The following FAM81A variants were observed in gnomAD, a reference collection of about 807,000 sequenced individuals.
FAM81A encodes the protein family with sequence similarity 81 member A, also known as protein FAM81A.
In FAM81A, 19 loss-of-function variants were observed where a neutral mutation model predicts 46.7. That is an observed-to-expected ratio of 0.41 (90% CI 0.28 to 0.60). FAM81A has a LOEUF of 0.60. Among genes scored for constraint, FAM81A ranks in the 20% least tolerant of loss-of-function variants. The pLI, the probability that FAM81A is intolerant of heterozygous loss-of-function variation, is 0.34. For missense variants in FAM81A, 377 were observed against 453.5 expected (o/e 0.83, Z 1.53); for synonymous variants, 183 against 152.9 (o/e 1.20, Z -1.45).
chr15:59,492,204 A>T, intron 3 of FAM81A, 67 bp from the exon 4 acceptor site: 1 of 1,227,608 alleles, frequency 8.1e-7, no homozygotes, highest in Non-Finnish European at 1.2e-6. Flanking sequence ...TGCCAAAAGT[A>T]TAAAATGCTT....
At chr15:59,478,685 G>A (rs1356837086) in intron 3 of FAM81A, among the ~76,000 whole-genome samples, 1 of 152,264 alleles carries the variant, frequency 6.6e-6, no homozygotes, top group Non-Finnish European at 1.5e-5. Flanking sequence ...GATGTGGCGT[G>A]TTGTATGCCT....
chr15:59,436,425 G>A (rs567293301), upstream of FAM81A, among the ~76,000 whole-genome samples: 5 of 152,230 alleles, frequency 3.3e-5, no homozygotes, highest in South Asian at 2.1e-4. Flanking sequence ...TGGGGTGGGC[G>A]GGGAAAGGGT....
chr15:59,441,216 T>G (rs1439571216), intron 1 of FAM81A, among the ~76,000 whole-genome samples: 1 of 152,232 alleles, frequency 6.6e-6, no homozygotes, highest in Non-Finnish European at 1.5e-5. Flanking sequence ...CTCCAGTGTC[T>G]TTGGTCCTTC....
intron 3 of FAM81A, among the ~76,000 whole-genome samples, chr15:59,464,009 T>G (rs557311162): frequency 7.2e-5 from 11 of 152,192 alleles, no homozygotes; most frequent in Non-Finnish European, 1.3e-4. Context: ...TCTATTCTAA[T>G]TTTTACTTCT....
chr15:59,400,335 A>G (rs758820893), intron 1 of FAM81A, among the ~76,000 whole-genome samples: 34 of 151,934 alleles, frequency 2.2e-4, no homozygotes, highest in Non-Finnish European at 4.9e-4. Context: ...TACCTCCTCA[A>G]TAGCTTGCAC....
At chr15:59,476,486 A>G (rs2081769976) in intron 3 of FAM81A, among the ~76,000 whole-genome samples, 2 of 152,248 alleles carry the variant, frequency 1.3e-5, no homozygotes, top group Admixed American at 6.5e-5. Context: ...TATAAGTAAT[A>G]TAAAAATTGG....
rs774368247 is a variant in FAM81A at position 59,414,902 on chromosome 15, G to A, written c.-78+12544G>A. On this transcript the variant is annotated intron_variant, in intron 2 of 4. Transcript: ENST00000558348. ...GGGATCTCAGCTCACTGCAAGCTCC[G>A]CCTCCCAGGTTCACACCATTCTCCT... is the stretch of plus-strand genomic sequence containing the variant. Among the ~76,000 whole-genome samples, 54 of 151,674 alleles carry A rather than the reference G, an allele frequency of 3.6e-4. 1 individual carries two copies. Among genetic ancestry groups the A allele is most frequent in the African/African-American group, 1.9e-4 (8 of 41,340 alleles).
At chr15:59,499,824 C>G (rs1171355037) in intron 4 of FAM81A, among the ~76,000 whole-genome samples, 3 of 150,596 alleles carry the variant, frequency 2.0e-5, no homozygotes, top group Non-Finnish European at 4.4e-5. Flanking sequence ...TTTTTTCTTG[C>G]TGCTTTCAAA....
chr15:59,400,254 A>G (rs1291104997), intron 1 of FAM81A, among the ~76,000 whole-genome samples: 2 of 147,778 alleles, frequency 1.4e-5, no homozygotes, highest in African/African-American at 4.9e-5. Flanking sequence ...AGAGCGAGAA[A>G]GTCAGGAGTC....
intron 1 of FAM81A, among the ~76,000 whole-genome samples, chr15:59,457,148 G>C (rs1177098829): frequency 2.0e-5 from 3 of 152,036 alleles, no homozygotes; most frequent in African/African-American, 7.2e-5. Flanking sequence ...ATTATCCAAG[G>C]TCAACCATGG....
At chr15:59,520,477 C>T (rs2082315891) in intron 8 of FAM81A, among the ~76,000 whole-genome samples, 1 of 151,682 alleles carries the variant, frequency 6.6e-6, no homozygotes, top group Non-Finnish European at 1.5e-5. Context: ...TAATCTGGAT[C>T]AGTTTCTCAG....
upstream of FAM81A, among the ~76,000 whole-genome samples, chr15:59,437,033 C>T (rs1032664533): frequency 6.6e-6 from 1 of 152,224 alleles, no homozygotes; most frequent in African/African-American, 2.4e-5. Flanking sequence ...ATGAATGTTA[C>T]AGATGCGTTA....
intron 3 of FAM81A, among the ~76,000 whole-genome samples, chr15:59,484,411 G>A (rs1165678431): frequency 6.6e-6 from 1 of 152,148 alleles, no homozygotes; most frequent in African/African-American, 2.4e-5. Flanking sequence ...GCAGGTAAGC[G>A]ATCACAGTAC....
At chr15:59,444,649 A>G (rs756454829) in intron 1 of FAM81A, among the ~76,000 whole-genome samples, 6 of 152,090 alleles carry the variant, frequency 3.9e-5, no homozygotes, top group Non-Finnish European at 8.8e-5. Flanking sequence ...GTCCTTCAGC[A>G]CTGCCTCCCC....
chr15:59,440,666 C>T (rs8042698), intron 1 of FAM81A, among the ~76,000 whole-genome samples: 26,405 of 152,052 alleles, frequency 0.17, 2,374 homozygotes, highest in Middle Eastern at 0.24. Context: ...CTTCAGCCTA[C>T]TTAGCTGATA....
intron 3 of FAM81A, among the ~76,000 whole-genome samples, chr15:59,480,963 C>T (rs751977002): frequency 6.6e-6 from 1 of 151,980 alleles, no homozygotes; most frequent in Admixed American, 6.6e-5. Flanking sequence ...GGATTCTTTC[C>T]TGTATTCTTC....
chr15:59,411,044 C>T (rs1160008346), intron 2 of FAM81A, among the ~76,000 whole-genome samples: 6 of 152,220 alleles, frequency 3.9e-5, no homozygotes, highest in Non-Finnish European at 5.9e-5. Context: ...GCCACCGCGC[C>T]AGGCCCAGAT....
At chr15:59,486,123 A>G (rs1031645704) in intron 3 of FAM81A, among the ~76,000 whole-genome samples, 53 of 152,174 alleles carry the variant, frequency 3.5e-4, no homozygotes, top group African/African-American at 1.3e-3. Context: ...AGGTTGCAGT[A>G]AACCAAGATC....
chr15:59,477,567 A>G (rs2081788675), intron 3 of FAM81A, among the ~76,000 whole-genome samples: 1 of 152,226 alleles, frequency 6.6e-6, no homozygotes, highest in African/African-American at 2.4e-5. Flanking sequence ...TACACTGGAA[A>G]AAAAGTAAAA....
Sources: allele counts gnomAD v4.1 joint callset (sites outside exome capture counted in the v4.1 genomes callset), GRCh38; gene constraint gnomAD v4.1.1; transcripts MANE v1.5; gene names NCBI Gene and HGNC (gene_info 2026-07-23, HGNC 2026-07-21).